CSTF3: variants seen among roughly 807,000 people sequenced by gnomAD.
CSTF3 encodes cleavage stimulation factor subunit 3, also known as CF-1 77 kDa subunit.
A neutral mutation model predicts 105.8 loss-of-function variants in CSTF3; 29 were observed. The ratio of observed to expected loss-of-function variants is 0.27; its 90% confidence interval spans 0.20 to 0.37. The LOEUF (loss-of-function observed/expected upper bound fraction) is 0.37. Among genes scored for constraint, CSTF3 ranks in the 10% least tolerant of loss-of-function variants. The pLI, the probability that CSTF3 is intolerant of heterozygous loss-of-function variation, is 1.00. For synonymous variants in CSTF3, 252 were observed against 281.9 expected (o/e 0.89, Z 1.06); for missense variants, 357 against 879.3 (o/e 0.41, Z 7.51).
intron 1 of CSTF3, among the ~76,000 whole-genome samples, chr11:33,159,825 C>T (rs2133813482): frequency 6.6e-6 from 1 of 152,028 alleles, no homozygotes; most frequent in East Asian, 1.9e-4. Context: ...GCTGTTGATT[C>T]CAGGCGAAGA....
chr11:33,109,313 C>A (rs917251440), intron 3 of CSTF3, among the ~76,000 whole-genome samples: 2 of 152,104 alleles, frequency 1.3e-5, no homozygotes, highest in Non-Finnish European at 2.9e-5. Flanking sequence ...AAGTTTTGGT[C>A]CTTTTATCTC....
intron 1 of CSTF3, among the ~76,000 whole-genome samples, chr11:33,150,196 C>G (rs12289960): frequency 0.14 from 17,634 of 126,200 alleles, 2,729 homozygotes; most frequent in African/African-American, 0.4. Flanking sequence ...GCCTGGGCAA[C>G]AGATGGAGAC....
intron 3 of CSTF3, among the ~76,000 whole-genome samples, chr11:33,113,206 AAAATAAATAAAT>A (rs61101354): frequency 2.0e-4 from 29 of 147,248 alleles, no homozygotes; most frequent in Middle Eastern, 3.4e-3. Context: ...ACTTTGTCTC[AAAATAAATAAAT>A]AAATAAATAA....
chr11:33,100,260 C>T (rs911735281), intron 10 of CSTF3, among the ~76,000 whole-genome samples: 2 of 149,460 alleles, frequency 1.3e-5, no homozygotes, highest in African/African-American at 4.9e-5. Flanking sequence ...GAGGCTGAGG[C>T]AGGAGAATGG....
intron 3 of CSTF3, among the ~76,000 whole-genome samples, chr11:33,130,724 TA>T (rs1479683751): frequency 6.6e-6 from 1 of 152,082 alleles, no homozygotes; most frequent in African/African-American, 2.4e-5. Flanking sequence ...ATGTGGAATG[TA>T]AAAAAATATT....
Position 33,105,627 on chromosome 11 carries a change from A to T in CSTF3, c.525T>A (p.Gly175=). Residue 175 remains glycine (G), a synonymous_variant, in exon 8 of 21, where the codon GGT becomes GGA. Coordinates refer to ENST00000323959, the MANE Select transcript of CSTF3 (RefSeq NM_001326.3). ...ITAVRRVYQR[G]CVNPMINIEQ... ...CAATGTTGATCATCGGATTAACACAACCTCGTTGATAAACTCTTCGGACAG... is the reference window on the plus strand; with the variant it reads ...CAATGTTGATCATCGGATTAACACATCCTCGTTGATAAACTCTTCGGACAG... 2 of 1,613,042 alleles carry T rather than the reference A, an allele frequency of 1.2e-6. No homozygotes were observed. The highest frequency in any genetic ancestry group is 2.2e-5 in the South Asian group (2 of 91,060).
chr11:33,159,378 T>C (rs537650830), intron 1 of CSTF3, among the ~76,000 whole-genome samples: 1 of 151,916 alleles, frequency 6.6e-6, no homozygotes, highest in Non-Finnish European at 1.5e-5. Flanking sequence ...GGCGGATCAC[T>C]TGAGGTCAGG....
At chr11:33,095,243 C>T (rs1260067351) in intron 15 of CSTF3, among the ~76,000 whole-genome samples, 1 of 152,140 alleles carries the variant, frequency 6.6e-6, no homozygotes, top group African/African-American at 2.4e-5. Context: ...GGGTCTTGCT[C>T]TGTCATCCAG....
intron 1 of CSTF3, among the ~76,000 whole-genome samples, chr11:33,153,239 A>G (rs1277960904): frequency 6.6e-6 from 1 of 152,164 alleles, no homozygotes; most frequent in Admixed American, 6.5e-5. Context: ...GATGAAAAAT[A>G]TGAAAAAATT....
intron 3 of CSTF3, among the ~76,000 whole-genome samples, chr11:33,108,897 C>T (rs1267024669): frequency 6.6e-6 from 1 of 152,152 alleles, no homozygotes; most frequent in Non-Finnish European, 1.5e-5. Context: ...ACCACTGTGA[C>T]AAGACAGGTC....
intron 3 of CSTF3, among the ~76,000 whole-genome samples, chr11:33,120,666 C>T (rs894064402): frequency 9.2e-5 from 14 of 151,848 alleles, no homozygotes; most frequent in African/African-American, 2.9e-4. Flanking sequence ...TCCACAAAGG[C>T]ATAACGTTTT....
chr11:33,107,970 G>A lies in CSTF3; in HGVS notation c.289C>T (p.His97Tyr). Reference protein sequence around the residue: ...LFQRCLMKVLHIDLWKCYLSY... With the variant: ...LFQRCLMKVLYIDLWKCYLSY... ...AGATAACACTTCCATAAATCAATGT[G>A]CAAAACCTTCATAAGGCATCTCTGA... Residue 97 changes from histidine to tyrosine, a missense_variant, in exon 5 of 21, where the codon CAC (histidine) becomes TAC (tyrosine). Coordinates refer to ENST00000323959, the MANE Select transcript of CSTF3 (RefSeq NM_001326.3). 6.2e-7 allele frequency: 1 copy of A among 1,609,716 alleles called. No individual in the cohort carries two copies. Among genetic ancestry groups the A allele is most frequent in the Non-Finnish European group, 8.5e-7 (1 of 1,177,896 alleles).
chr11:33,156,597 G>A (rs78931437), intron 1 of CSTF3: 5 of 425,020 alleles, frequency 1.2e-5, no homozygotes, highest in Non-Finnish European at 2.3e-5. Flanking sequence ...GCGCTTCTTA[G>A]AATCATGTAG....
chr11:33,097,342 G>T (rs10836021), intron 13 of CSTF3, among the ~76,000 whole-genome samples: 84,587 of 152,070 alleles, frequency 0.56, 26,128 homozygotes, highest in Non-Finnish European at 0.69. Flanking sequence ...AAAACTCAAG[G>T]GTTGGTTTAA....
At chr11:33,149,066 G>A (rs551252308) in intron 1 of CSTF3, among the ~76,000 whole-genome samples, 1 of 152,096 alleles carries the variant, frequency 6.6e-6, no homozygotes, top group Non-Finnish European at 1.5e-5. Context: ...CTACATGAGT[G>A]ATGAGTGCTG....
In CSTF3 at chr11:33,103,175, T is replaced by C; in HGVS notation, c.595A>G (p.Ile199Val). 6.5e-7 allele frequency: 1 copy of C among 1,541,900 alleles called. No homozygotes were observed. Among genetic ancestry groups the C allele is most frequent in the Non-Finnish European group, 8.8e-7 (1 of 1,136,674 alleles). ...DYNKYEEGIN[I>V]HLAKKMIEDR... ...TCAATCATTTTTTTAGCTAAATGAATATTGATACCCTAGAAAAAAACAAAA... is the reference window on the plus strand; with the variant it reads ...TCAATCATTTTTTTAGCTAAATGAACATTGATACCCTAGAAAAAAACAAAA... Residue 199 changes from isoleucine (I) to valine (V), a missense_variant, in exon 9 of 21, where the codon ATT becomes GTT. Physicochemically the swap from Ile to Val is conservative, Grantham distance 29. This residue lies in a region of CSTF3 where 206 missense variants were observed against 576.5 expected (regional missense o/e 0.36). Coordinates refer to ENST00000323959, the MANE Select transcript of CSTF3 (RefSeq NM_001326.3).
intron 3 of CSTF3, among the ~76,000 whole-genome samples, chr11:33,109,193 TTTTC>T (rs750712470): frequency 6.6e-6 from 1 of 152,196 alleles, no homozygotes; most frequent in African/African-American, 2.4e-5. Context: ...TAGATTTCTC[TTTTC>T]TTTGAGTATT....
chr11:33,151,614 A>G (rs1218902395), intron 1 of CSTF3, among the ~76,000 whole-genome samples: 3 of 152,082 alleles, frequency 2.0e-5, no homozygotes, highest in Non-Finnish European at 4.4e-5. Flanking sequence ...TGGACTTTGG[A>G]TTGTTTCCAG....
At chr11:33,097,976 T>C (rs1855242502) in intron 13 of CSTF3, among the ~76,000 whole-genome samples, 1 of 152,096 alleles carries the variant, frequency 6.6e-6, no homozygotes, top group South Asian at 2.1e-4. Flanking sequence ...GTTGCTGGAG[T>C]CTAGCACAAT....
Sources: allele counts gnomAD v4.1 joint callset (sites outside exome capture counted in the v4.1 genomes callset), GRCh38; gene constraint gnomAD v4.1.1; regional missense constraint gnomAD v4.1.1; transcripts MANE v1.5; gene names NCBI Gene and HGNC (gene_info 2026-07-23, HGNC 2026-07-21).